The following AR variants were observed in gnomAD, a reference collection of about 807,000 sequenced individuals.
The protein encoded by AR is dihydrotestosterone receptor.
A neutral mutation model predicts 53.9 loss-of-function variants in AR; 8 were observed. That is an observed-to-expected ratio of 0.15 (90% CI 0.09 to 0.27). AR has a LOEUF of 0.27. Among genes scored for constraint, AR ranks in the 10% least tolerant of loss-of-function variants. The pLI is 1.00. For synonymous variants in AR, 359 were observed against 316.4 expected, an observed-to-expected ratio of 1.13 and a Z score of -1.43; for missense variants, 639 against 742.5, an observed-to-expected ratio of 0.86 and a Z score of 1.62.
Position 67,728,153 on chromosome X carries a change from G to A in AR, c.*4312G>A, listed in dbSNP as rs1828698111. On this transcript the variant is annotated 3_prime_UTR_variant, in exon 8 of 8. Transcript: ENST00000374690. ...AGACAGACTAAAGGACTCTGCTGGTGACTGACTTATAAGAGCTTTGTGGGT... is the reference window on the plus strand; with the variant it reads ...AGACAGACTAAAGGACTCTGCTGGTAACTGACTTATAAGAGCTTTGTGGGT... The A allele has an allele frequency of 6.5e-6, 1 of 154,271 alleles. No homozygotes were observed. Among genetic ancestry groups the A allele is most frequent in the Admixed American group, 1.0e-4 (1 of 9,690 alleles). 12.7% of individuals were successfully genotyped at this position (154,271 alleles called of 1,213,427 possible).
At chrX:67,626,169 T>A (rs1285248365) in intron 1 of AR, among the ~76,000 whole-genome samples, 2 of 111,069 alleles carry the variant, frequency 1.8e-5, no homozygotes, top group Non-Finnish European at 3.8e-5. Flanking sequence ...TTATTCATTC[T>A]ATCTAACTAT....
intron 2 of AR, among the ~76,000 whole-genome samples, chrX:67,669,844 C>T (rs943097159): frequency 2.7e-5 from 3 of 109,213 alleles, no homozygotes; most frequent in African/African-American, 9.9e-5. Context: ...TCTATTTTGT[C>T]GGATATTAGT....
At chrX:67,705,426 C>G (rs1220432015) in intron 3 of AR, among the ~76,000 whole-genome samples, 1 of 111,430 alleles carries the variant, frequency 9.0e-6, no homozygotes, top group Non-Finnish European at 1.9e-5. Flanking sequence ...TGGGAGTTCA[C>G]TCATGATTTG....
In AR at chrX:67,627,777, G is replaced by A. The variant is rs767168063; in HGVS notation, c.1617-15479G>A. Among the ~76,000 whole-genome samples, 287 of 111,536 alleles carry A rather than the reference G, an allele frequency of 2.6e-3. 1 individual carries two copies. The highest frequency in any genetic ancestry group is 8.2e-3 in the African/African-American group (252 of 30,752). On this transcript the variant is annotated intron_variant, in intron 1 of 7. Transcript: ENST00000374690. ...GGGTTTTTATGGTTTTAGGTCTAAC[G>A]TTTAAGTCTTTAATCCATCTCGAAT...
chrX:67,634,224 A>C lies in AR; in HGVS notation c.1617-9032A>C, dbSNP rs189020891. 3.6e-5 allele frequency among the ~76,000 whole-genome samples: 4 copies of C among 111,701 alleles called. No homozygotes were observed. The East Asian group carries it at 1.1e-3, about 32-fold the overall frequency. ...TTGGACAAGTCATTTGCTTTCTCTA[A>C]GTATCAGTTTGCATATATGCAAAAT... On this transcript the variant is annotated intron_variant, in intron 1 of 7. Coordinates refer to ENST00000374690, the MANE Select transcript of AR (RefSeq NM_000044.6).
At chrX:67,703,611 G>T (rs952991349) in intron 3 of AR, among the ~76,000 whole-genome samples, 1 of 111,561 alleles carries the variant, frequency 9.0e-6, no homozygotes, top group African/African-American at 3.3e-5. Context: ...TGCTAAAAAA[G>T]AAAAAAATCA....
intron 1 of AR, among the ~76,000 whole-genome samples, chrX:67,559,147 G>A (rs1237564242): frequency 1.8e-5 from 2 of 112,161 alleles, no homozygotes; most frequent in African/African-American, 6.5e-5. Context: ...TTAGAAGGAA[G>A]GATACTTAAC....
intron 1 of AR, among the ~76,000 whole-genome samples, chrX:67,642,803 T>G (rs1389538496): frequency 8.9e-6 from 1 of 112,075 alleles, no homozygotes; most frequent in Non-Finnish European, 1.9e-5. Flanking sequence ...ATAGATGAGA[T>G]TTGAGGCTCA....
chrX:67,682,058 A>T (rs1472763471), intron 2 of AR, among the ~76,000 whole-genome samples: 1 of 111,519 alleles, frequency 9.0e-6, no homozygotes, highest in South Asian at 3.8e-4. Flanking sequence ...GAAATTGGGT[A>T]TTAGAAGGAA....
intron 1 of AR, among the ~76,000 whole-genome samples, chrX:67,561,867 T>C (rs1313663499): frequency 2.7e-5 from 3 of 110,079 alleles, no homozygotes; most frequent in African/African-American, 6.6e-5. Context: ...TAGATGTTTT[T>C]CTGTAGTACC....
intron 5 of AR, among the ~76,000 whole-genome samples, chrX:67,718,209 G>T (rs377353673): frequency 4.5e-5 from 5 of 111,488 alleles, no homozygotes; most frequent in African/African-American, 1.6e-4. Context: ...AGATTCAAAC[G>T]TATGTCCCTG....
intron 2 of AR, among the ~76,000 whole-genome samples, chrX:67,650,689 G>T (rs1476450763): frequency 8.9e-6 from 1 of 112,218 alleles, no homozygotes; most frequent in African/African-American, 3.2e-5. Context: ...GCTGCTTTCA[G>T]CCTTGTACAG....
rs1271242472 is a variant in AR, at chrX:67,724,785, C to T, written c.*944C>T. The T allele has an allele frequency of 1.1e-5, 2 of 173,978 alleles. No homozygotes were observed. The highest frequency in any genetic ancestry group is 2.2e-5 in the Non-Finnish European group (2 of 91,546). The allele number at this position is 173,978 out of a possible 1,213,427, so 14.3% of individuals were successfully genotyped here. A position where few individuals can be genotyped will look rare whatever the true frequency, so the allele number is the denominator to read the frequency against. On this transcript the variant is annotated 3_prime_UTR_variant, in exon 8 of 8. Coordinates refer to ENST00000374690, the MANE Select transcript of AR (RefSeq NM_000044.6). The stretch of plus-strand genomic sequence containing the variant: ...TTGACTTTCAATAGTTTTTCTAAGA[C>T]CTTTGAACTGAATGTTCTCTTCAGC...
intron 1 of AR, among the ~76,000 whole-genome samples, chrX:67,620,581 G>A (rs761577519): frequency 2.7e-5 from 3 of 111,452 alleles, no homozygotes; most frequent in Non-Finnish European, 5.7e-5. Context: ...GAAACTTATG[G>A]GAAGGGAGGT....
At chrX:67,604,426 T>C (rs908996805) in intron 1 of AR, among the ~76,000 whole-genome samples, 1 of 110,804 alleles carries the variant, frequency 9.0e-6, no homozygotes, top group Non-Finnish European at 1.9e-5. Context: ...TCAATTTCAC[T>C]GTGCCCGAAG....
At chrX:67,631,469 G>A (rs1025076354) in intron 1 of AR, among the ~76,000 whole-genome samples, 3 of 111,837 alleles carry the variant, frequency 2.7e-5, no homozygotes, top group Admixed American at 9.5e-5. Flanking sequence ...CGTAGTTCTC[G>A]AGCCTTAGTT....
At chrX:67,686,912 C>A (rs1193124943) in intron 3 of AR, among the ~76,000 whole-genome samples, 1 of 110,864 alleles carries the variant, frequency 9.0e-6, no homozygotes, top group Admixed American at 9.6e-5. Flanking sequence ...TATATTTTCC[C>A]TCTCCAAACT....
chrX:67,562,356 A>ATGTGTGTGTG (rs756124629), intron 1 of AR, among the ~76,000 whole-genome samples: 2 of 95,031 alleles, frequency 2.1e-5, no homozygotes, highest in African/African-American at 3.9e-5. Flanking sequence ...TATGGTGTAT[A>ATGTGTGTGTG]TGTGTGTGTG....
intron 3 of AR, among the ~76,000 whole-genome samples, chrX:67,710,910 G>A (rs1041101947): frequency 2.7e-5 from 3 of 111,649 alleles, no homozygotes; most frequent in South Asian, 3.8e-4. Context: ...TTCCTATTTT[G>A]TTGATGCCTC....
Sources: allele counts gnomAD v4.1 joint callset (sites outside exome capture counted in the v4.1 genomes callset), GRCh38; gene constraint gnomAD v4.1.1; transcripts MANE v1.5; gene names NCBI Gene and HGNC (gene_info 2026-07-23, HGNC 2026-07-21).